ADAM28: variants seen among roughly 807,000 people sequenced by gnomAD.
The protein encoded by ADAM28 is ADAM metallopeptidase domain 28, also known as disintegrin and metalloproteinase domain-containing protein 28.
Under a neutral mutation model 101.2 loss-of-function variants are expected in ADAM28, and 105 were observed. That is an observed-to-expected ratio of 1.04 (90% confidence interval 0.89 to 1.22). ADAM28 has a LOEUF of 1.22. Among genes scored for constraint, ADAM28 ranks in the 50% most tolerant of loss-of-function variants. The pLI, the probability that ADAM28 is intolerant of heterozygous loss-of-function variation, is 0.00. For missense variants in ADAM28, 1,028 were observed against 945.4 expected (o/e 1.09, Z -1.15); for synonymous variants, 322 against 310.6 (o/e 1.04, Z -0.39).
At chr8:24,344,980 T>C (rs968726788) in intron 18 of ADAM28, among the ~76,000 whole-genome samples, 3 of 151,730 alleles carry the variant, frequency 2.0e-5, no homozygotes, top group African/African-American at 7.3e-5. Context: ...TTTTAAATCA[T>C]AATTTTGCAT....
intron 14 of ADAM28, among the ~76,000 whole-genome samples, chr8:24,336,410 C>T (rs1013339651): frequency 3.3e-5 from 5 of 151,158 alleles, no homozygotes; most frequent in East Asian, 3.9e-4. Flanking sequence ...GGTGAAACCC[C>T]GTCTCTACTA....
chr8:24,336,580 C>CAAA (rs769016133), intron 14 of ADAM28, among the ~76,000 whole-genome samples: 5 of 61,610 alleles, frequency 8.1e-5, no homozygotes, highest in Non-Finnish European at 1.2e-4. Flanking sequence ...ACTCCGTCTC[C>CAAA]AAAAAAAAAA....
In ADAM28 at chr8:24,358,532, C is replaced by T. The variant is rs1816823871; in HGVS notation, c.*4128C>T. The stretch of plus-strand genomic sequence containing the variant: ...TCCACCTTGTCAGGGAAGATCCCAA[C>T]TCAGGAGAAAACACCTCTAACAAAA... On this transcript the variant is annotated 3_prime_UTR_variant, in exon 23 of 23. Coordinates refer to ENST00000265769, the MANE Select transcript of ADAM28 (RefSeq NM_014265.6). The T allele has an allele frequency of 6.6e-6, 1 of 152,190 alleles. No homozygotes were observed. The highest frequency in any genetic ancestry group is 1.5e-5 in the Non-Finnish European group (1 of 68,040). 9.4% of individuals were successfully genotyped at this position (152,190 alleles called of 1,614,324 possible).
rs1231715996 is a variant in ADAM28, at chr8:24,305,451, C to CCTTTT, written c.151-4443_151-4442insCTTTT. Among the ~76,000 whole-genome samples the CCTTTT allele has an allele frequency of 2.3e-3, 148 of 65,456 alleles. 1 individual carries two copies. The highest frequency in any genetic ancestry group is 3.6e-3 in the Non-Finnish European group (124 of 34,268). 42.9% of individuals were successfully genotyped at this position (65,456 alleles called of 152,430 possible). A position where few individuals can be genotyped will look rare whatever the true frequency, so the allele number is the denominator to read the frequency against. On this transcript the variant is annotated intron_variant, in intron 2 of 22. Coordinates refer to ENST00000265769, the MANE Select transcript of ADAM28 (RefSeq NM_014265.6). ...GTCCAGGTAAATTTTTAAGAGGTTT[C>CCTTTT]TTTTTTTTTTTTTTTTTTTTTTTTT...
intron 18 of ADAM28, among the ~76,000 whole-genome samples, chr8:24,345,777 C>T (rs988061874): frequency 2.0e-5 from 3 of 151,964 alleles, no homozygotes; most frequent in Non-Finnish European, 4.4e-5. Flanking sequence ...AAGTATTTCT[C>T]AAAATTTTTA....
rs1206142931 is a variant in ADAM28 at position 24,355,996 on chromosome 8, C to G, written c.*1592C>G. ...CACAGGCCTGTCGCTTCATGAGGAA[C>G]TTTATGGTTCATTTACCCTTGCAGT... On this transcript the variant is annotated 3_prime_UTR_variant, in exon 23 of 23. Coordinates refer to ENST00000265769, the MANE Select transcript of ADAM28 (RefSeq NM_014265.6). 1 of 152,116 alleles carries G rather than the reference C, an allele frequency of 6.6e-6. No individual in the cohort carries two copies. Among genetic ancestry groups the G allele is most frequent in the Non-Finnish European group, 1.5e-5 (1 of 68,026 alleles). 9.4% of individuals were successfully genotyped at this position (152,116 alleles called of 1,614,324 possible). A position where few individuals can be genotyped will look rare whatever the true frequency, so the allele number is the denominator to read the frequency against.
chr8:24,303,417 G>GT (rs1809107592), intron 2 of ADAM28, among the ~76,000 whole-genome samples: 2 of 152,102 alleles, frequency 1.3e-5, no homozygotes, highest in African/African-American at 2.4e-5. Context: ...CCCATTGCTT[G>GT]TTTTTGTAAG....
At chr8:24,342,360 G>A (rs1326795506) in intron 16 of ADAM28, among the ~76,000 whole-genome samples, 1 of 152,106 alleles carries the variant, frequency 6.6e-6, no homozygotes, top group Non-Finnish European at 1.5e-5. Flanking sequence ...TACTTAAACT[G>A]ATTTGGCTAT....
chr8:24,308,208 T>G (rs1317763590), intron 2 of ADAM28, among the ~76,000 whole-genome samples: 1 of 152,218 alleles, frequency 6.6e-6, no homozygotes, highest in Non-Finnish European at 1.5e-5. Flanking sequence ...CTTCTCTTGA[T>G]GCATACTTCA....
chr8:24,310,295 G>T (rs925783599), intron 4 of ADAM28, 54 bp downstream of exon 4: 2 of 1,533,070 alleles, frequency 1.3e-6, no homozygotes, highest in African/African-American at 2.7e-5. Context: ...CAGACCTAAA[G>T]GTAGTGTCCT....
chr8:24,340,586 C>G (rs1814642761), intron 15 of ADAM28, among the ~76,000 whole-genome samples: 1 of 152,114 alleles, frequency 6.6e-6, no homozygotes, highest in Non-Finnish European at 1.5e-5. Flanking sequence ...TTTCTGTGCT[C>G]TAGTGGCTCA....
chr8:24,300,016 T>C lies in ADAM28; in HGVS notation c.89T>C (p.Val30Ala), dbSNP rs750069237. The C allele has an allele frequency of 1.9e-6, 3 of 1,613,640 alleles. No homozygotes were observed. The highest frequency in any genetic ancestry group is 2.5e-6 in the Non-Finnish European group (3 of 1,179,990). The change falls in exon 2 of 23, where the codon GTG becomes GCG. Residue 30 changes from valine (V) to alanine (A), a missense_variant. Val to Ala is a moderately conservative substitution (Grantham distance 64). Coordinates refer to ENST00000265769, the MANE Select transcript of ADAM28 (RefSeq NM_014265.6). Reference sequence around the variant, plus strand: ...CTCCCTGGGGTGAAGAAGTATGAAGTGGTTTATCCTATAAGACTTCATCCA... The same window carrying C: ...CTCCCTGGGGTGAAGAAGTATGAAGCGGTTTATCCTATAAGACTTCATCCA... ...KELPGVKKYEVVYPIRLHPLH... is the reference protein window; with the variant it reads ...KELPGVKKYEAVYPIRLHPLH...
rs550273998 is a variant in ADAM28, at chr8:24,340,383, G to T, written c.1670+815G>T. 4.6e-5 allele frequency among the ~76,000 whole-genome samples: 7 copies of T among 152,194 alleles called. No individual in the cohort carries two copies. The South Asian group carries it at 1.5e-3, about 32-fold the overall frequency. The stretch of plus-strand genomic sequence containing the variant: ...CTGTGCCTAAAGAACAATCATTTTC[G>T]GTGGTCTTGTGGTCTCTTCTTTATA... On this transcript the variant is annotated intron_variant, in intron 15 of 22. Coordinates refer to ENST00000265769, the MANE Select transcript of ADAM28 (RefSeq NM_014265.6).
chr8:24,342,233 T>C (rs1814870273), intron 16 of ADAM28, among the ~76,000 whole-genome samples: 1 of 152,178 alleles, frequency 6.6e-6, no homozygotes, highest in African/African-American at 2.4e-5. Context: ...ATGAGGTTTG[T>C]CTCTCTTAAG....
Position 24,343,508 on chromosome 8 carries a change from G to A in ADAM28, c.1914G>A (p.Val638=). 2 of 1,613,732 alleles carry A rather than the reference G, an allele frequency of 1.2e-6. No homozygotes were observed. Among genetic ancestry groups the A allele is most frequent in the Non-Finnish European group, 1.7e-6 (2 of 1,179,800 alleles). The part of the protein sequence containing the change: ...NCSSKCKGHA[V]CDHELQCQCE... ...TAACAGGATCATTGCTCCCCTAGGT[G>A]TGTGACCATGAGCTCCAGTGTCAAT... Residue 638 remains valine (V), a splice_region_variant and synonymous_variant, in exon 18 of 23, where the codon GTG becomes GTA. Transcript: ENST00000265769.
At chr8:24,310,840 C>T (rs1810359331) in intron 4 of ADAM28, among the ~76,000 whole-genome samples, 1 of 152,118 alleles carries the variant, frequency 6.6e-6, no homozygotes, top group Admixed American at 6.6e-5. Context: ...CTTCATGGAA[C>T]ACCCACACGA....
intron 18 of ADAM28, among the ~76,000 whole-genome samples, chr8:24,349,232 T>A (rs79721354): frequency 6.6e-6 from 1 of 152,236 alleles, no homozygotes; most frequent in East Asian, 1.9e-4. Context: ...TTCAGATTAT[T>A]GTAAGAGAAA....
At chr8:24,342,621 A>G (rs1177959241) in intron 16 of ADAM28, among the ~76,000 whole-genome samples, 1 of 152,148 alleles carries the variant, frequency 6.6e-6, no homozygotes, top group Admixed American at 6.6e-5. Context: ...TATATAAAAT[A>G]TAATATTTAA....
intron 20 of ADAM28, 94 bp from the exon 21 acceptor site, chr8:24,351,893 T>A: frequency 1.6e-6 from 2 of 1,265,574 alleles, no homozygotes; most frequent in African/African-American, 2.9e-5. Flanking sequence ...AGTTCCAAGC[T>A]TCCATGCCTT....
Sources: allele counts gnomAD v4.1 joint callset (sites outside exome capture counted in the v4.1 genomes callset), GRCh38; gene constraint gnomAD v4.1.1; transcripts MANE v1.5; gene names NCBI Gene and HGNC (gene_info 2026-07-23, HGNC 2026-07-21).